TG: variants seen among roughly 807,000 people sequenced by gnomAD.
The protein encoded by TG is thyroglobulin, also known as thyroid hormones.
A neutral mutation model predicts 324.7 loss-of-function variants in TG; 270 were observed. The ratio of observed to expected loss-of-function variants is 0.83; its 90% CI spans 0.75 to 0.92. The LOEUF (loss-of-function observed/expected upper bound fraction) is 0.92. Ranked by LOEUF, TG falls within the 40% of genes least tolerant of loss-of-function variation. TG has a pLI of 0.00. For missense variants in TG, 3,591 were observed against 3,456.4 expected, an observed-to-expected ratio of 1.04 and a Z score of -0.98; for synonymous variants, 1,401 against 1,327.0, an observed-to-expected ratio of 1.06 and a Z score of -1.21.
intron 14 of TG, 50 bp downstream of exon 14, chr8:132,898,960 CAGAGA>C: frequency 6.7e-7 from 1 of 1,484,150 alleles, no homozygotes; most frequent in South Asian, 1.2e-5. Context: ...CCCCGCTGGT[CAGAGA>C]TGATTTTTCT....
chr8:133,058,364 A>G (rs1301010244), intron 41 of TG, among the ~76,000 whole-genome samples: 1 of 152,174 alleles, frequency 6.6e-6, no homozygotes, highest in African/African-American at 2.4e-5. Context: ...CCCTCTCTCT[A>G]TGTCTGTTCT....
chr8:133,012,081 C>G, intron 36 of TG, 46 bp downstream of exon 36: 1 of 1,613,058 alleles, frequency 6.2e-7, no homozygotes. Context: ...CAAAACCTCA[C>G]ACAAGTGCTG....
At chr8:132,930,505 A>T (rs952057197) in intron 23 of TG, among the ~76,000 whole-genome samples, 34 of 152,050 alleles carry the variant, frequency 2.2e-4, no homozygotes, top group African/African-American at 8.2e-4. Context: ...ACATGGTGAA[A>T]CCCCGTCTCT....
At chr8:132,963,178 A>G in intron 29 of TG, 104 bp downstream of exon 29, 1 of 1,067,356 alleles carries the variant, frequency 9.4e-7, no homozygotes, top group African/African-American at 1.5e-5. Context: ...ACATCACTCT[A>G]TTCTGTATCC....
intron 23 of TG, among the ~76,000 whole-genome samples, chr8:132,933,334 G>A: frequency 6.6e-6 from 1 of 151,346 alleles, no homozygotes; most frequent in South Asian, 2.1e-4. Flanking sequence ...GTCTTTAGGT[G>A]TATATTTGTG....
At chr8:132,912,514 C>CA (rs1193047597) in intron 19 of TG, among the ~76,000 whole-genome samples, 1 of 152,036 alleles carries the variant, frequency 6.6e-6, no homozygotes, top group Non-Finnish European at 1.5e-5. Context: ...TATCATTTGA[C>CA]ACCTGGAGAC....
intron 45 of TG, among the ~76,000 whole-genome samples, chr8:133,125,292 A>C (rs542584236): frequency 8.1e-4 from 124 of 152,362 alleles, no homozygotes; most frequent in Non-Finnish European, 1.5e-3. Context: ...TTCGGATAAC[A>C]GTACTAGGAA....
At chr8:132,897,879 C>A in intron 12 of TG, 93 bp downstream of exon 12, 1 of 1,457,420 alleles carries the variant, frequency 6.9e-7, no homozygotes, top group South Asian at 1.2e-5. Flanking sequence ...GTGAGCTGGA[C>A]TCTTAGGCTC....
intron 35 of TG, chr8:132,994,891 A>G (rs1832724809): frequency 8.3e-7 from 1 of 1,206,306 alleles, no homozygotes; most frequent in Non-Finnish European, 1.1e-6. Context: ...GATTGAGGTA[A>G]TGAGCTCCCT....
rs116720604 is a variant in TG at position 132,970,422 on chromosome 8, C to T, written c.5975+853C>T. ...TGCATCCTTGGGTCCTATTTCAAAC[C>T]TGCTGAATCAGCATTTCCTGGGATG... is the stretch of plus-strand genomic sequence containing the variant. On this transcript the variant is annotated intron_variant, in intron 32 of 47. Coordinates refer to ENST00000220616, the MANE Select transcript of TG (RefSeq NM_003235.5). Among the ~76,000 whole-genome samples, 967 of 152,206 alleles carry T rather than the reference C, an allele frequency of 6.4e-3. 14 individuals carry two copies. The highest frequency in any genetic ancestry group is 0.022 in the African/African-American group (908 of 41,526).
At position 133,042,678 on chromosome 8, in the gene TG, C is replaced by CCT. The variant is rs1554706932; in HGVS notation, c.7239+12655_7239+12656insCT. Reference sequence around the variant, plus strand: ...GTGCACAATTCCTCTCATTCTGTGTCTTTTTTTTTTTTTTTTTTTTTTTTT... The same window carrying CCT: ...GTGCACAATTCCTCTCATTCTGTGTCCTTTTTTTTTTTTTTTTTTTTTTTTTT... On this transcript the variant is annotated intron_variant, in intron 41 of 47. Coordinates refer to ENST00000220616, the MANE Select transcript of TG (RefSeq NM_003235.5). Among the ~76,000 whole-genome samples the CCT allele has an allele frequency of 1.1e-4, 6 of 56,768 alleles. 1 individual carries two copies. In the South Asian group the frequency reaches 1.8e-3, roughly 17 times the overall value. 37.2% of individuals were successfully genotyped at this position (56,768 alleles called of 152,430 possible).
At chr8:133,008,373 C>T (rs1587747607) in intron 35 of TG, among the ~76,000 whole-genome samples, 1 of 152,120 alleles carries the variant, frequency 6.6e-6, no homozygotes, top group East Asian at 1.9e-4. Context: ...AAAGAAGAAA[C>T]ACCCACCAAA....
At position 132,969,500 on chromosome 8, in the gene TG, C is replaced by T. The variant is rs368355594; in HGVS notation, c.5906C>T (p.Pro1969Leu). The T allele has an allele frequency of 6.5e-5, 105 of 1,613,800 alleles. 1 individual carries two copies. Among genetic ancestry groups the T allele is most frequent in the Middle Eastern group, 1.6e-4 (1 of 6,082 alleles). Residue 1969 changes from proline (P) to leucine (L), a missense_variant, in exon 32 of 48, where the codon CCG becomes CTG. Physicochemically the swap from Pro to Leu is moderately conservative, Grantham distance 98. Coordinates refer to ENST00000220616, the MANE Select transcript of TG (RefSeq NM_003235.5). The part of the protein sequence containing the change: ...DKVKNFYTRL[P>L]FQKLMGISIR... Reference sequence around the variant, plus strand: ...GTGAAGAACTTTTACACTCGCCTGCCGTTCCAAAAACTGATGGGGATATCC... The same window carrying T: ...GTGAAGAACTTTTACACTCGCCTGCTGTTCCAAAAACTGATGGGGATATCC...
chr8:133,005,218 T>C (rs1409075587), intron 35 of TG, among the ~76,000 whole-genome samples: 1 of 151,818 alleles, frequency 6.6e-6, no homozygotes, highest in African/African-American at 2.4e-5. Flanking sequence ...GCAGGCACAC[T>C]GCGCAGGAGG....
chr8:132,867,081 C>T lies in TG; in HGVS notation c.67+14C>T. ...CCAATATCTTCGGTAAGTTCTGAGG[C>T]CATGGAGCCAGGCGGTGGGGAGGGA... On this transcript the variant is annotated intron_variant, in intron 1 of 47. Coordinates refer to ENST00000220616, the MANE Select transcript of TG (RefSeq NM_003235.5). The T allele has an allele frequency of 6.3e-7, 1 of 1,591,236 alleles. No individual in the cohort carries two copies. Among genetic ancestry groups the T allele is most frequent in the Non-Finnish European group, 8.6e-7 (1 of 1,166,996 alleles).
chr8:133,116,077 G>T (rs1850655415), intron 44 of TG, among the ~76,000 whole-genome samples: 1 of 151,956 alleles, frequency 6.6e-6, no homozygotes, highest in Admixed American at 6.6e-5. Flanking sequence ...TTGCCAAAGG[G>T]TTCTCTAGGG....
chr8:132,968,655 A>G (rs6992619), intron 31 of TG, among the ~76,000 whole-genome samples: 1,978 of 152,284 alleles, frequency 0.013, 36 homozygotes, highest in African/African-American at 0.045. Context: ...GGCAGCCCCA[A>G]ATGTGTGGTG....
At chr8:132,995,683 G>A (rs1832805946) in intron 35 of TG, among the ~76,000 whole-genome samples, 1 of 152,182 alleles carries the variant, frequency 6.6e-6, no homozygotes, top group South Asian at 2.1e-4. Flanking sequence ...AGTTGGTGGG[G>A]ATGTCCACTT....
At chr8:133,064,869 C>T (rs1842838097) in intron 41 of TG, among the ~76,000 whole-genome samples, 1 of 152,092 alleles carries the variant, frequency 6.6e-6, no homozygotes, top group Admixed American at 6.6e-5. Context: ...GGCCTTGCTG[C>T]TGGGAAGGAG....
Sources: allele counts gnomAD v4.1 joint callset (sites outside exome capture counted in the v4.1 genomes callset), GRCh38; gene constraint gnomAD v4.1.1; transcripts MANE v1.5; gene names NCBI Gene and HGNC (gene_info 2026-07-23, HGNC 2026-07-21).